Variants in MYO16 observed in about 807,000 individuals in gnomAD.
The protein encoded by MYO16 is myosin XVI.
Under a neutral mutation model 205.3 loss-of-function variants are expected in MYO16, and 94 were observed. That is an observed-to-expected ratio of 0.46 (90% CI 0.39 to 0.54). MYO16 has a LOEUF of 0.54. Among genes scored for constraint, MYO16 ranks in the 20% least tolerant of loss-of-function variants. The pLI is 0.00. For missense variants in MYO16, 2,315 were observed against 2,387.5 expected (o/e 0.97, Z 0.63); for synonymous variants, 988 against 954.0 (o/e 1.04, Z -0.66).
At chr13:108,626,697 G>A (rs898650209), upstream of MYO16, among the ~76,000 whole-genome samples, 1 of 151,696 alleles carries the variant, frequency 6.6e-6, no homozygotes, top group African/African-American at 2.4e-5. Flanking sequence ...CCAGCTACTT[G>A]GGAGGCTGAA....
chr13:108,834,230 C>A (rs1157892219), intron 9 of MYO16, among the ~76,000 whole-genome samples: 2 of 152,058 alleles, frequency 1.3e-5, no homozygotes, highest in East Asian at 3.9e-4. Flanking sequence ...GTACGTAGCA[C>A]TTTAGGAGGG....
the MYO16 span, among the ~76,000 whole-genome samples, chr13:108,505,134 T>G: frequency 2.0e-5 from 3 of 152,324 alleles, no homozygotes; most frequent in African/African-American, 7.2e-5. Context: ...CAAGTATCTC[T>G]TCAAGATCCT....
intron 1 of MYO16, among the ~76,000 whole-genome samples, chr13:108,643,832 A>G (rs1594169961): frequency 6.6e-6 from 1 of 152,228 alleles, no homozygotes; most frequent in Non-Finnish European, 1.5e-5. Flanking sequence ...TTAAATACTT[A>G]GGACTGGGAT....
At chr13:108,562,122 A>T in the MYO16 span, among the ~76,000 whole-genome samples, 2 of 152,152 alleles carry the variant, frequency 1.3e-5, no homozygotes, top group South Asian at 4.1e-4. Flanking sequence ...ATGGTTCTGG[A>T]GATTGGAATC....
intron 4 of MYO16, among the ~76,000 whole-genome samples, chr13:108,764,524 G>A: frequency 6.6e-6 from 1 of 152,158 alleles, no homozygotes; most frequent in African/African-American, 2.4e-5. Flanking sequence ...TTCATTCAAG[G>A]CTTTAGTCAA....
chr13:109,058,104 T>G (rs762095426), intron 27 of MYO16, among the ~76,000 whole-genome samples: 4 of 152,064 alleles, frequency 2.6e-5, no homozygotes, highest in African/African-American at 7.2e-5. Flanking sequence ...GCCTGTGAAT[T>G]TGCATTTTTA....
At position 108,844,507 on chromosome 13, in the gene MYO16, C is replaced by A; in HGVS notation, c.1248+14C>A. On this transcript the variant is annotated intron_variant, in intron 10 of 34. Transcript: ENST00000457511. ...AAACCCGAGCAGGTAATCATGCTTT[C>A]ACTGTGTGTCTACCAGTACTTTTTC... is the stretch of plus-strand genomic sequence containing the variant. 6.3e-7 allele frequency: 1 copy of A among 1,594,926 alleles called. No homozygotes were observed. Among genetic ancestry groups the A allele is most frequent in the Non-Finnish European group, 8.6e-7 (1 of 1,167,880 alleles).
At chr13:108,875,389 G>C (rs983719974) in intron 12 of MYO16, among the ~76,000 whole-genome samples, 2 of 152,168 alleles carry the variant, frequency 1.3e-5, no homozygotes, top group Non-Finnish European at 1.5e-5. Flanking sequence ...GACTGCATAA[G>C]TGGAAATCCT....
intron 21 of MYO16, among the ~76,000 whole-genome samples, chr13:109,001,140 A>T (rs931151721): frequency 3.3e-5 from 5 of 151,594 alleles, no homozygotes; most frequent in Non-Finnish European, 1.5e-5. Flanking sequence ...AGAAGGAAAG[A>T]TGATTGATTC....
chr13:109,205,637 C>A (rs770099747), intron 34 of MYO16, among the ~76,000 whole-genome samples: 23 of 151,946 alleles, frequency 1.5e-4, no homozygotes, highest in Non-Finnish European at 2.9e-4. Context: ...AAATTGATAT[C>A]TGCAATGTCC....
At chr13:109,030,168 C>CAAA (rs10632019) in intron 23 of MYO16, among the ~76,000 whole-genome samples, 27,481 of 144,360 alleles carry the variant, frequency 0.19, 2,797 homozygotes, top group Non-Finnish European at 0.24. Flanking sequence ...AGAAGGAAAG[C>CAAA]AAAAAAAAAA....
intron 22 of MYO16, among the ~76,000 whole-genome samples, chr13:109,017,935 G>A (rs1036394791): frequency 2.9e-4 from 44 of 152,162 alleles, no homozygotes; most frequent in African/African-American, 1.0e-3. Context: ...GGAGAAGTTT[G>A]TTAACACCAA....
chr13:109,084,243 A>G lies in MYO16; in HGVS notation c.3336-16542A>G, dbSNP rs551065794. Among the ~76,000 whole-genome samples the G allele has an allele frequency of 2.0e-5, 3 of 152,340 alleles. No homozygotes were observed. The South Asian group carries it at 6.2e-4, about 32-fold the overall frequency. ...ACAATCATGTAGGGTGCAGTAGCCT[A>G]GAGAAGCAATGATAGCATTGCCAAT... On this transcript the variant is annotated intron_variant, in intron 27 of 34. Coordinates refer to ENST00000457511, the MANE Select transcript of MYO16 (RefSeq NM_001198950.3).
At chr13:108,816,985 A>G (rs1478360224) in intron 7 of MYO16, among the ~76,000 whole-genome samples, 1 of 152,218 alleles carries the variant, frequency 6.6e-6, no homozygotes, top group Non-Finnish European at 1.5e-5. Context: ...ACTAGTCATC[A>G]GGGAAATGTA....
chr13:109,040,845 G>A (rs534063808), intron 23 of MYO16, among the ~76,000 whole-genome samples: 1 of 152,260 alleles, frequency 6.6e-6, no homozygotes, highest in South Asian at 2.1e-4. Flanking sequence ...AACATAGGCT[G>A]CTGGAAGTTC....
intron 12 of MYO16, among the ~76,000 whole-genome samples, chr13:108,869,105 G>C (rs66497670): frequency 0.12 from 18,014 of 152,014 alleles, 1,259 homozygotes; most frequent in South Asian, 0.3. Context: ...TTAATTACTG[G>C]CCTTTTCCTT....
intron 3 of MYO16, among the ~76,000 whole-genome samples, chr13:108,725,933 A>T (rs1020027285): frequency 1.3e-5 from 2 of 152,220 alleles, no homozygotes; most frequent in Non-Finnish European, 2.9e-5. Flanking sequence ...GCTGCCCATC[A>T]TTCAGAGGTC....
At chr13:108,936,622 A>C (rs1297154889) in intron 16 of MYO16, among the ~76,000 whole-genome samples, 1 of 152,086 alleles carries the variant, frequency 6.6e-6, no homozygotes, top group Non-Finnish European at 1.5e-5. Flanking sequence ...TTTATCTAAT[A>C]TAAGAATAGT....
intron 12 of MYO16, among the ~76,000 whole-genome samples, chr13:108,868,690 A>G (rs1203972169): frequency 1.3e-5 from 2 of 152,110 alleles, no homozygotes; most frequent in African/African-American, 4.8e-5. Context: ...TGAGAAGCCA[A>G]GGCAGGTGGA....
Sources: gnomAD v4.1 joint callset for allele counts (sites outside exome capture counted in the v4.1 genomes callset) on GRCh38, gnomAD v4.1.1 for gene constraint, MANE v1.5 for transcripts, NCBI Gene and HGNC (gene_info 2026-07-23, HGNC 2026-07-21) for gene names.